Variants in TAOK3 observed in about 807,000 individuals in gnomAD.
TAOK3 encodes serine/threonine-protein kinase TAO3.
A neutral mutation model predicts 120.4 loss-of-function variants in TAOK3; 40 were observed. That is an observed-to-expected ratio of 0.33 (90% CI 0.26 to 0.43). The LOEUF (loss-of-function observed/expected upper bound fraction) is 0.43. Ranked by LOEUF, TAOK3 falls within the 20% of genes least tolerant of loss-of-function variation. The pLI is 1.00. For missense variants in TAOK3, 821 were observed against 1,112.1 expected, an observed-to-expected ratio of 0.74 and a Z score of 3.72; for synonymous variants, 355 against 387.5, an observed-to-expected ratio of 0.92 and a Z score of 0.99.
At chr12:118,190,831 G>A (rs1403492169) in intron 13 of TAOK3, among the ~76,000 whole-genome samples, 1 of 152,186 alleles carries the variant, frequency 6.6e-6, no homozygotes, top group African/African-American at 2.4e-5. Context: ...AGGGGAAAAT[G>A]CTTTCAAAGG....
chr12:118,326,084 A>C (rs1160107474), intron 1 of TAOK3, among the ~76,000 whole-genome samples: 1 of 152,182 alleles, frequency 6.6e-6, no homozygotes, highest in Admixed American at 6.5e-5. Flanking sequence ...CTTCTGCCAG[A>C]CCAATGTCCT....
intron 13 of TAOK3, among the ~76,000 whole-genome samples, chr12:118,193,049 G>GT (rs11380296): frequency 0.19 from 20,048 of 106,626 alleles, 2,432 homozygotes; most frequent in African/African-American, 0.25. Flanking sequence ...CCACGTTGTT[G>GT]TTTTTTTTTT....
chr12:118,247,680 A>T (rs1414929704), intron 3 of TAOK3, among the ~76,000 whole-genome samples: 1 of 152,058 alleles, frequency 6.6e-6, no homozygotes, highest in Non-Finnish European at 1.5e-5. Flanking sequence ...ACGCCTGGCT[A>T]ATTTTTATAT....
intron 1 of TAOK3, among the ~76,000 whole-genome samples, chr12:118,365,153 A>G (rs2045708056): frequency 6.6e-6 from 1 of 152,198 alleles, no homozygotes; most frequent in South Asian, 2.1e-4. Context: ...CTTCCACTGT[A>G]TCTTGCTGTT....
chr12:118,303,284 T>C (rs1166780560), intron 1 of TAOK3, among the ~76,000 whole-genome samples: 1 of 152,196 alleles, frequency 6.6e-6, no homozygotes, highest in Non-Finnish European at 1.5e-5. Flanking sequence ...TTTAATAAAA[T>C]AGGTATTTCA....
In TAOK3 at chr12:118,168,936, G is replaced by A. The variant is rs543413105; in HGVS notation, c.1899+3521C>T. On this transcript the variant is annotated intron_variant, in intron 17 of 20. Transcript: ENST00000392533. Reference sequence around the variant, plus strand: ...ACTTCTGACAAACTCAAAATGTGCAGTACTGAATCAGCTTGCTTGCTTTCC... The same window carrying A: ...ACTTCTGACAAACTCAAAATGTGCAATACTGAATCAGCTTGCTTGCTTTCC... Among the ~76,000 whole-genome samples, 6 of 151,570 alleles carry A rather than the reference G, an allele frequency of 4.0e-5. No individual in the cohort carries two copies. The South Asian group carries it at 1.2e-3, about 31-fold the overall frequency.
intron 1 of TAOK3, among the ~76,000 whole-genome samples, chr12:118,354,532 G>A (rs1218224865): frequency 2.6e-5 from 4 of 152,150 alleles, no homozygotes; most frequent in African/African-American, 9.7e-5. Context: ...GGGAGGCCAA[G>A]GCCAGAGGAT....
At chr12:118,163,439 CT>C (rs71069421) in intron 17 of TAOK3, among the ~76,000 whole-genome samples, 6 of 123,280 alleles carry the variant, frequency 4.9e-5, no homozygotes, top group East Asian at 4.7e-4. Flanking sequence ...CAGGGACATA[CT>C]TTTTTTTTGG....
At chr12:118,337,138 C>A (rs1162047958) in intron 1 of TAOK3, among the ~76,000 whole-genome samples, 1 of 151,942 alleles carries the variant, frequency 6.6e-6, no homozygotes, top group African/African-American at 2.4e-5. Context: ...ATGGAAATGG[C>A]AAATAAACAT....
intron 20 of TAOK3, among the ~76,000 whole-genome samples, chr12:118,151,493 G>A (rs2034437342): frequency 6.6e-6 from 1 of 152,160 alleles, no homozygotes; most frequent in Non-Finnish European, 1.5e-5. Flanking sequence ...CCTGTGTTAG[G>A]GGATGGCTCA....
intron 1 of TAOK3, among the ~76,000 whole-genome samples, chr12:118,351,019 A>C (rs556067003): frequency 6.6e-6 from 1 of 151,870 alleles, no homozygotes; most frequent in East Asian, 1.9e-4. Context: ...TCTCTACAAA[A>C]AATACAAAAA....
chr12:118,188,502 T>C (rs1424856879), intron 14 of TAOK3, among the ~76,000 whole-genome samples: 1 of 152,210 alleles, frequency 6.6e-6, no homozygotes, highest in African/African-American at 2.4e-5. Context: ...TAAAGGAACT[T>C]TAAAGTGGGC....
Position 118,151,120 on chromosome 12 carries a change from G to C in TAOK3, c.2574C>G (p.Ser858Arg). The stretch of plus-strand genomic sequence containing the variant: ...TTTCCAATAGGTTCTTTATTCTCTC[G>C]CTGCGTTCCTTCTGAAGGGCAGCCA... ...EELAALQKERSERIKNLLERQ... is the reference protein window; with the variant it reads ...EELAALQKERRERIKNLLERQ... The change falls in exon 21 of 21, where the codon AGC becomes AGG. Residue 858 changes from serine to arginine, a missense_variant. Around this residue, in one of 2 missense-constraint regions of TAOK3, gnomAD observed 354 missense variants for 572.1 expected, o/e 0.62. Transcript: ENST00000392533. 6.2e-7 allele frequency: 1 copy of C among 1,613,026 alleles called. No individual in the cohort carries two copies. The highest frequency in any genetic ancestry group is 2.2e-5 in the East Asian group (1 of 44,868).
intron 9 of TAOK3, among the ~76,000 whole-genome samples, chr12:118,220,269 T>G (rs1593201844): frequency 1.3e-5 from 2 of 152,246 alleles, no homozygotes; most frequent in East Asian, 1.9e-4. Context: ...ACAACATCTA[T>G]CATGTTCATC....
At chr12:118,156,206 G>A (rs1391627302) in intron 19 of TAOK3, among the ~76,000 whole-genome samples, 2 of 151,996 alleles carry the variant, frequency 1.3e-5, no homozygotes, top group East Asian at 3.9e-4. Flanking sequence ...CACTCATTCT[G>A]ATCCTAACCC....
intron 1 of TAOK3, among the ~76,000 whole-genome samples, chr12:118,270,664 T>A (rs1209403125): frequency 6.6e-6 from 1 of 150,762 alleles, no homozygotes; most frequent in Non-Finnish European, 1.5e-5. Flanking sequence ...TCCAGCTAAA[T>A]GTCACTTTTT....
chr12:118,239,953 G>A (rs1247626245), intron 5 of TAOK3, among the ~76,000 whole-genome samples: 2 of 152,038 alleles, frequency 1.3e-5, no homozygotes. Flanking sequence ...GATCACCTGA[G>A]GCCAGGAGTT....
chr12:118,338,041 G>T (rs1372454319), intron 1 of TAOK3, among the ~76,000 whole-genome samples: 2 of 152,180 alleles, frequency 1.3e-5, no homozygotes, highest in Non-Finnish European at 2.9e-5. Context: ...TTTCTTACAA[G>T]TGCGTGTAAA....
chr12:118,315,423 T>G (rs78374295), intron 1 of TAOK3, among the ~76,000 whole-genome samples: 3,447 of 151,158 alleles, frequency 0.023, 52 homozygotes, highest in Middle Eastern at 0.058. Context: ...GCAGGATATA[T>G]TCAAATTTAT....
Sources: gnomAD v4.1 joint callset for allele counts (sites outside exome capture counted in the v4.1 genomes callset) on GRCh38, gnomAD v4.1.1 for gene constraint, gnomAD v4.1.1 regional missense constraint, MANE v1.5 for transcripts, NCBI Gene and HGNC (gene_info 2026-07-23, HGNC 2026-07-21) for gene names.